The following HAPLN1 variants were observed in gnomAD, a reference collection of about 807,000 sequenced individuals.
HAPLN1 encodes Cartilage link protein.
HAPLN1 carries 13 observed loss-of-function variants against 36.5 expected under a neutral mutation model. The ratio of observed to expected loss-of-function variants is 0.36; its 90% CI spans 0.23 to 0.57. The LOEUF is 0.57. Ranked by LOEUF, HAPLN1 falls within the 20% of genes least tolerant of loss-of-function variation. The probability of loss-of-function intolerance (pLI) is 0.83; values close to 1 mark genes in which losing one functional copy is unlikely to be tolerated. For missense variants in HAPLN1, 407 were observed against 439.7 expected (o/e 0.93, Z 0.66); for synonymous variants, 202 against 169.8 (o/e 1.19, Z -1.48).
chr5:83,647,365 G>T (rs533284772), intron 3 of HAPLN1, among the ~76,000 whole-genome samples: 4 of 152,122 alleles, frequency 2.6e-5, no homozygotes, highest in Admixed American at 6.5e-5. Context: ...GTGCTGGAAA[G>T]AACATATTCC....
intron 1 of HAPLN1, among the ~76,000 whole-genome samples, chr5:83,677,033 A>G (rs986519691): frequency 2.0e-5 from 3 of 152,240 alleles, no homozygotes; most frequent in Non-Finnish European, 4.4e-5. Flanking sequence ...TCAACAGTCT[A>G]ATACCAAGAT....
intron 1 of HAPLN1, chr5:83,703,510 T>G (rs1751557289): frequency 6.6e-6 from 1 of 152,146 alleles, no homozygotes; most frequent in Admixed American, 6.5e-5. Flanking sequence ...TGCGCAAGGA[T>G]GACACACAAA....
intron 1 of HAPLN1, among the ~76,000 whole-genome samples, chr5:83,689,429 T>C (rs1751218418): frequency 6.6e-6 from 1 of 150,776 alleles, no homozygotes; most frequent in Admixed American, 6.7e-5. Context: ...TAAATGAACA[T>C]TTTCATTAAT....
intron 1 of HAPLN1, among the ~76,000 whole-genome samples, chr5:83,693,095 A>T (rs1751317005): frequency 6.6e-6 from 1 of 151,900 alleles, no homozygotes; most frequent in East Asian, 1.9e-4. Context: ...TGGAGCAATT[A>T]TAACAATATA....
rs1750099325 is a variant in HAPLN1 at position 83,652,598 on chromosome 5, C to T, written c.327G>A (p.Gln109=). 4 of 1,614,042 alleles carry T rather than the reference C, an allele frequency of 2.5e-6. No homozygotes were observed. Among genetic ancestry groups the T allele is most frequent in the Non-Finnish European group, 2.5e-6 (3 of 1,180,012 alleles). ...TGCCTCCCTTCAGAAACACTCTACC[C>T]TGGTAGCCTCCATAGGTTTTTTTGT... ...GYHKKTYGGY[Q]GRVFLKGGSD... is the part of the protein sequence containing the mutation. The change falls in exon 3 of 5, where the codon CAG becomes CAA. Residue 109 remains glutamine, a synonymous_variant. Transcript: ENST00000274341.
rs868346551 is a variant in HAPLN1, at chr5:83,644,516, C to A, written c.622G>T (p.Gly208Cys). 1.2e-5 allele frequency: 20 copies of A among 1,611,800 alleles called. No individual in the cohort carries two copies. The highest frequency in any genetic ancestry group is 2.7e-5 in the African/African-American group (2 of 74,782). ...TGCACAGAGCCATCACTGAGCCAGC[C>A]GGCATTGCACCAGTCCAGCCCGCCC... is the stretch of plus-strand genomic sequence containing the variant. ...WRGGLDWCNA[G>C]WLSDGSVQYP... The change falls in exon 4 of 5, where the codon GGC becomes TGC. Residue 208 changes from glycine to cysteine, a missense_variant. Coordinates refer to ENST00000274341, the MANE Select transcript of HAPLN1 (RefSeq NM_001884.4).
At chr5:83,665,462 G>T (rs1246474696) in intron 2 of HAPLN1, among the ~76,000 whole-genome samples, 3 of 152,258 alleles carry the variant, frequency 2.0e-5, no homozygotes, top group African/African-American at 7.2e-5. Context: ...AGCAGGGAGG[G>T]AAGCAGCATT....
intron 1 of HAPLN1, among the ~76,000 whole-genome samples, chr5:83,719,205 T>C (rs1340613633): frequency 6.6e-6 from 1 of 152,188 alleles, no homozygotes; most frequent in Admixed American, 6.5e-5. Context: ...AATAAATGGC[T>C]CATTTTATAA....
chr5:83,641,286 C>T lies in HAPLN1; in HGVS notation c.*210G>A, dbSNP rs1245853178. On this transcript the variant is annotated 3_prime_UTR_variant, in exon 5 of 5. Coordinates refer to ENST00000274341, the MANE Select transcript of HAPLN1 (RefSeq NM_001884.4). ...CTCTAAGTCTCCTTACATAGAGCTT[C>T]CCTTAAATTTATATTAATTTATAAT... 3.8e-6 allele frequency: 1 copy of T among 261,546 alleles called. No individual in the cohort carries two copies. The highest frequency in any genetic ancestry group is 2.2e-5 in the African/African-American group (1 of 44,940). 16.2% of individuals were successfully genotyped at this position (261,546 alleles called of 1,614,324 possible). A position where few individuals can be genotyped will look rare whatever the true frequency, so the allele number is the denominator to read the frequency against.
chr5:83,654,133 A>G (rs2112569413), intron 2 of HAPLN1, among the ~76,000 whole-genome samples: 1 of 152,354 alleles, frequency 6.6e-6, no homozygotes, highest in Non-Finnish European at 1.5e-5. Flanking sequence ...AAGTATCCAA[A>G]AAATAGACAC....
At chr5:83,649,836 C>T (rs549390546) in intron 3 of HAPLN1, among the ~76,000 whole-genome samples, 93 of 152,328 alleles carry the variant, frequency 6.1e-4, no homozygotes, top group Middle Eastern at 3.4e-3. Context: ...TTGTATCAAA[C>T]ATTCTTTTAC....
chr5:83,663,692 C>T (rs2112584012), intron 2 of HAPLN1, among the ~76,000 whole-genome samples: 1 of 152,202 alleles, frequency 6.6e-6, no homozygotes, highest in Admixed American at 6.5e-5. Context: ...ATGCCTCCAT[C>T]ATCCATCCTT....
At chr5:83,666,158 C>T (rs1750544633) in intron 2 of HAPLN1, among the ~76,000 whole-genome samples, 1 of 152,000 alleles carries the variant, frequency 6.6e-6, no homozygotes, top group Non-Finnish European at 1.5e-5. Flanking sequence ...TGTTTGTATT[C>T]CAAAAGACTC....
chr5:83,654,662 A>T (rs577395218), intron 2 of HAPLN1, among the ~76,000 whole-genome samples: 84 of 152,364 alleles, frequency 5.5e-4, no homozygotes, highest in Non-Finnish European at 1.1e-3. Flanking sequence ...AACATAGTTT[A>T]GATATGACAC....
At chr5:83,707,915 A>G (rs1751687954) in intron 1 of HAPLN1, among the ~76,000 whole-genome samples, 1 of 152,226 alleles carries the variant, frequency 6.6e-6, no homozygotes, top group Non-Finnish European at 1.5e-5. Flanking sequence ...ACGTCAACAG[A>G]ATTTTCCGAA....
At chr5:83,659,767 A>T (rs968685909) in intron 2 of HAPLN1, among the ~76,000 whole-genome samples, 35 of 152,112 alleles carry the variant, frequency 2.3e-4, no homozygotes, top group Non-Finnish European at 1.5e-4. Context: ...TTAAACATGT[A>T]TTTAAAACAC....
At chr5:83,643,014 A>G (rs374756088) in intron 4 of HAPLN1, among the ~76,000 whole-genome samples, 2 of 152,114 alleles carry the variant, frequency 1.3e-5, no homozygotes, top group African/African-American at 4.8e-5. Flanking sequence ...AATATTTACT[A>G]TATGGCCCTT....
intron 3 of HAPLN1, chr5:83,652,225 C>G (rs1750082646): frequency 2.2e-6 from 1 of 446,098 alleles, no homozygotes. Context: ...CTGCACGTTT[C>G]TCCTAGTTAC....
chr5:83,701,810 C>A (rs2112629870), intron 1 of HAPLN1, among the ~76,000 whole-genome samples: 1 of 152,088 alleles, frequency 6.6e-6, no homozygotes, highest in East Asian at 1.9e-4. Flanking sequence ...GCAGTGGTCC[C>A]AGCTGCTTGG....
Sources: allele counts gnomAD v4.1 joint callset (sites outside exome capture counted in the v4.1 genomes callset), GRCh38; gene constraint gnomAD v4.1.1; transcripts MANE v1.5; gene names NCBI Gene and HGNC (gene_info 2026-07-23, HGNC 2026-07-21).